Variants in PTCH1 observed in about 807,000 individuals in gnomAD.
PTCH1 encodes protein patched homolog 1.
PTCH1 carries 14 observed loss-of-function variants against 144.6 expected under a neutral mutation model. That is an observed-to-expected ratio of 0.10 (90% confidence interval 0.06 to 0.15). The LOEUF is 0.15. PTCH1 is among the 10% of genes least tolerant of loss of function. PTCH1 has a pLI of 1.00. For synonymous variants in PTCH1, 833 were observed against 793.6 expected (o/e 1.05, Z -0.83); for missense variants, 1,623 against 1,948.3 (o/e 0.83, Z 3.14).
intron 2 of PTCH1, among the ~76,000 whole-genome samples, chr9:95,499,917 A>G (rs1330614599): frequency 6.6e-6 from 1 of 151,730 alleles, no homozygotes; most frequent in Non-Finnish European, 1.5e-5. Flanking sequence ...ACTCTCCCCT[A>G]CCCCAATACA....
Position 95,508,842 on chromosome 9 carries a change from C to T in PTCH1, c.-481G>A, listed in dbSNP as rs1843971446. 2.0e-6 allele frequency: 2 copies of T among 983,846 alleles called. No individual in the cohort carries two copies. The highest frequency in any genetic ancestry group is 1.8e-5 in the African/African-American group (1 of 56,962). The allele number at this position is 983,846 out of a possible 1,614,324, so 60.9% of individuals were successfully genotyped here. A position where few individuals can be genotyped will look rare whatever the true frequency, so the allele number is the denominator to read the frequency against. On this transcript the variant is annotated 5_prime_UTR_variant, in exon 1 of 24. Coordinates refer to ENST00000331920, the MANE Select transcript of PTCH1 (RefSeq NM_000264.5). ...CCGCGCTGGCTCTCTCGGCGCCTCC[C>T]GGGTCGCCCGAGCGGCCGCGGAGGG...
rs1165046037 is a variant in PTCH1 at position 95,458,133 on chromosome 9, G to C, written c.3048C>G (p.Leu1016=). 2 of 1,614,240 alleles carry C rather than the reference G, an allele frequency of 1.2e-6. No individual in the cohort carries two copies. The highest frequency in any genetic ancestry group is 1.7e-6 in the Non-Finnish European group (2 of 1,180,052). ...LSSYPNGYPF[L]FWEQYIGLRH... Reference sequence around the variant, plus strand: ...GGAGGCCGATGTACTGCTCCCAGAAGAGGAAGGGGTAGCCGTTGGGGTAAC... The same window carrying C: ...GGAGGCCGATGTACTGCTCCCAGAACAGGAAGGGGTAGCCGTTGGGGTAAC... The change falls in exon 18 of 24, where the codon CTC becomes CTG. Residue 1016 remains leucine, a synonymous_variant. Transcript: ENST00000331920. This position sits in a 1 kb window ranked among gnomAD's most constrained non-coding sequence, Gnocchi z 4.7.
intron 2 of PTCH1, among the ~76,000 whole-genome samples, chr9:95,497,476 T>G (rs1163142268): frequency 7.3e-6 from 1 of 136,378 alleles, no homozygotes; most frequent in Non-Finnish European, 1.6e-5. Flanking sequence ...AGACTGGCTT[T>G]GCAACCCATC....
At chr9:95,494,548 G>C in intron 2 of PTCH1, 1 of 779,352 alleles carries the variant, frequency 1.3e-6, no homozygotes, top group Non-Finnish European at 1.6e-6. Flanking sequence ...ACTGTCCCAG[G>C]TTCTACCACA....
intron 3 of PTCH1, among the ~76,000 whole-genome samples, chr9:95,485,363 T>A (rs956266345): frequency 2.0e-5 from 3 of 152,028 alleles, no homozygotes; most frequent in African/African-American, 7.3e-5. Flanking sequence ...AAAATATCAC[T>A]CTCCAAAAAT....
Position 95,476,950 on chromosome 9 carries a change from C to G in PTCH1, c.1504-93G>C. Reference sequence around the variant, plus strand: ...TTAGGACTCTGCCACCAGCACCTAACAGCTCCTGAAGCAGGGCTTCCGTAA... The same window carrying G: ...TTAGGACTCTGCCACCAGCACCTAAGAGCTCCTGAAGCAGGGCTTCCGTAA... On this transcript the variant is annotated intron_variant, in intron 10 of 23. Transcript: ENST00000331920. The surrounding 1 kb of genome is among the most constrained non-coding windows in gnomAD (Gnocchi z 4.6). 1 of 1,201,606 alleles carries G rather than the reference C, an allele frequency of 8.3e-7. No homozygotes were observed. Among genetic ancestry groups the G allele is most frequent in the Non-Finnish European group, 1.2e-6 (1 of 824,776 alleles). The allele number at this position is 1,201,606 out of a possible 1,614,324, so 74.4% of individuals were successfully genotyped here.
rs1839274075 is a variant in PTCH1, at chr9:95,459,607, C to T, written c.2880G>A (p.Arg960=). 1.2e-6 allele frequency: 2 copies of T among 1,613,674 alleles called. No homozygotes were observed. The highest frequency in any genetic ancestry group is 1.7e-6 in the Non-Finnish European group (2 of 1,180,034). ...CGATAAAACGCTACTTACTTCTCAG[C>T]CTTGTTTCAGGCATGTAGTCGGCTT... ...HDKADYMPET[R]LRIPAAEPIE... Residue 960 remains arginine, a synonymous_variant, in exon 17 of 24, where the codon AGG becomes AGA. Coordinates refer to ENST00000331920, the MANE Select transcript of PTCH1 (RefSeq NM_000264.5).
chr9:95,486,414 C>T (rs1841968856), intron 2 of PTCH1, among the ~76,000 whole-genome samples: 1 of 152,260 alleles, frequency 6.6e-6, no homozygotes, highest in Middle Eastern at 3.2e-3. Context: ...AAGTCAGATG[C>T]CCATGGGGAA....
At chr9:95,504,352 G>A (rs1843389898) in intron 2 of PTCH1, among the ~76,000 whole-genome samples, 1 of 152,196 alleles carries the variant, frequency 6.6e-6, no homozygotes, top group African/African-American at 2.4e-5. Flanking sequence ...TCCAGGACTT[G>A]AAATGGGTCG....
At position 95,493,337 on chromosome 9, in the gene PTCH1, C is replaced by G. The variant is rs566375295; in HGVS notation, c.395-7463G>C. 9.9e-5 allele frequency among the ~76,000 whole-genome samples: 15 copies of G among 152,270 alleles called. No individual in the cohort carries two copies. In the East Asian group the frequency reaches 2.9e-3, roughly 29 times the overall value. ...CATAAAGATGATCTGAGGGACCAACCGAAGTTATTTTCCACAAAATTCAAG... is the reference window on the plus strand; with the variant it reads ...CATAAAGATGATCTGAGGGACCAACGGAAGTTATTTTCCACAAAATTCAAG... On this transcript the variant is annotated intron_variant, in intron 2 of 23. Transcript: ENST00000331920.
intron 15 of PTCH1, among the ~76,000 whole-genome samples, chr9:95,463,402 G>A (rs942005934): frequency 6.6e-6 from 1 of 152,150 alleles, no homozygotes; most frequent in African/African-American, 2.4e-5. Context: ...CGGGTGGGCC[G>A]TGCACCTCTC....
intron 2 of PTCH1, among the ~76,000 whole-genome samples, chr9:95,497,299 G>A (rs557885012): frequency 3.3e-5 from 5 of 152,302 alleles, no homozygotes; most frequent in South Asian, 2.1e-4. Context: ...AGCATCGTAC[G>A]ACACGTTATA....
intron 22 of PTCH1, among the ~76,000 whole-genome samples, chr9:95,448,090 C>T (rs933148640): frequency 4.6e-5 from 7 of 152,150 alleles, no homozygotes; most frequent in East Asian, 1.9e-4. Flanking sequence ...CTGGTCTCTG[C>T]GTCTCTATAC....
upstream of PTCH1, among the ~76,000 whole-genome samples, chr9:95,511,496 G>T (rs1228199296): frequency 6.6e-6 from 1 of 152,214 alleles, no homozygotes; most frequent in South Asian, 2.1e-4. Flanking sequence ...GGCGTTCGCG[G>T]GATCCGGAGG....
At chr9:95,488,727 C>T (rs796231305) in intron 2 of PTCH1, among the ~76,000 whole-genome samples, 4 of 152,164 alleles carry the variant, frequency 2.6e-5, no homozygotes, top group African/African-American at 9.6e-5. Flanking sequence ...AACAGCCAAG[C>T]AAAACAATAA....
intron 19 of PTCH1, among the ~76,000 whole-genome samples, chr9:95,453,955 C>G (rs1838696522): frequency 6.6e-6 from 1 of 152,210 alleles, no homozygotes; most frequent in South Asian, 2.1e-4. Flanking sequence ...CACGTGAGAC[C>G]TCCAATTCCC....
intron 1 of PTCH1, chr9:95,507,446 C>CT: frequency 1.0e-6 from 1 of 985,282 alleles, no homozygotes; most frequent in Non-Finnish European, 1.2e-6. Context: ...CAGCGAGCCT[C>CT]GTAAACACAA....
intron 2 of PTCH1, among the ~76,000 whole-genome samples, chr9:95,502,149 T>TC (rs1843193127): frequency 6.6e-6 from 1 of 152,174 alleles, no homozygotes; most frequent in African/African-American, 2.4e-5. Flanking sequence ...CCTATGCTGT[T>TC]CCTTCTGCCC....
At chr9:95,498,128 C>A (rs1335806399) in intron 2 of PTCH1, among the ~76,000 whole-genome samples, 1 of 152,204 alleles carries the variant, frequency 6.6e-6, no homozygotes. Context: ...CTTTTGCTTA[C>A]TTTTATACAT....
Sources: allele counts gnomAD v4.1 joint callset (sites outside exome capture counted in the v4.1 genomes callset), GRCh38; gene constraint gnomAD v4.1.1; non-coding constraint Gnocchi (gnomAD v3.1); transcripts MANE v1.5; gene names NCBI Gene and HGNC (gene_info 2026-07-23, HGNC 2026-07-21).